Variants in NF1 observed in about 807,000 individuals in gnomAD.
The protein encoded by NF1 is neurofibromin 1, also known as neurofibromin.
Under a neutral mutation model 325.7 loss-of-function variants are expected in NF1, and 122 were observed. The observed-to-expected ratio is 0.37, with a 90% CI of 0.32 to 0.44. The LOEUF is 0.44. Among genes scored for constraint, NF1 ranks in the 20% least tolerant of loss-of-function variants. The pLI is 1.00. For synonymous variants in NF1, 1,091 were observed against 1,186.0 expected (o/e 0.92, Z 1.65); for missense variants, 2,140 against 3,415.4 (o/e 0.63, Z 9.31).
chr17:31,166,685 T>C (rs2065851798), intron 4 of NF1, among the ~76,000 whole-genome samples: 1 of 152,128 alleles, frequency 6.6e-6, no homozygotes, highest in African/African-American at 2.4e-5. Flanking sequence ...TTTTTCTTTT[T>C]TTCTTTTTGT....
At chr17:31,295,670 G>A in intron 36 of NF1, 1 of 1,614,074 alleles carries the variant, frequency 6.2e-7, no homozygotes, top group South Asian at 1.1e-5. Context: ...ATTGTAAAGG[G>A]TTATCTCTTG....
rs1196244708 is a variant in NF1, at chr17:31,375,793, T to C, written c.*1638T>C. On this transcript the variant is annotated 3_prime_UTR_variant, in exon 58 of 58. Transcript: ENST00000358273. ...ATTTATCCACACAGTAACAATGTAA[T>C]ATGTTAATGTAAATAAAATTGGTTT... 1 of 232,458 alleles carries C rather than the reference T, an allele frequency of 4.3e-6. No individual in the cohort carries two copies. Among genetic ancestry groups the C allele is most frequent in the African/African-American group, 2.2e-5 (1 of 45,308 alleles). 14.4% of individuals were successfully genotyped at this position (232,458 alleles called of 1,614,324 possible).
intron 36 of NF1, chr17:31,296,408 C>G: frequency 2.0e-6 from 3 of 1,506,398 alleles, no homozygotes; most frequent in Non-Finnish European, 2.8e-6. Context: ...GGTCAGTTAG[C>G]ATTAGGCAAA....
chr17:31,152,036 C>G (rs1916979826), intron 1 of NF1, among the ~76,000 whole-genome samples: 1 of 152,128 alleles, frequency 6.6e-6, no homozygotes, highest in Admixed American at 6.5e-5. Flanking sequence ...TCCCCCCTCC[C>G]CCTACCCCAC....
intron 1 of NF1, among the ~76,000 whole-genome samples, chr17:31,112,068 G>A (rs527621931): frequency 3.0e-4 from 45 of 151,992 alleles, no homozygotes; most frequent in African/African-American, 7.5e-4. Flanking sequence ...ATATATTACC[G>A]GCAAAAGTTT....
chr17:31,126,427 A>AT (rs1450462870), intron 1 of NF1, among the ~76,000 whole-genome samples: 2 of 151,798 alleles, frequency 1.3e-5, no homozygotes, highest in Non-Finnish European at 2.9e-5. Flanking sequence ...ATTCATAGCA[A>AT]TTTTTTATGG....
At chr17:31,270,300 A>G (rs993453828) in intron 36 of NF1, among the ~76,000 whole-genome samples, 6 of 152,182 alleles carry the variant, frequency 3.9e-5, no homozygotes, top group African/African-American at 9.7e-5. Context: ...TTTTGTAAGA[A>G]TAATTAAAAA....
intron 36 of NF1, among the ~76,000 whole-genome samples, chr17:31,267,422 A>G (rs1449585738): frequency 1.3e-5 from 2 of 151,864 alleles, no homozygotes; most frequent in Admixed American, 6.6e-5. Flanking sequence ...TGGCACTGTC[A>G]GTTTCAGATT....
rs2068464635 is a variant in NF1 at position 31,296,368 on chromosome 17, A to G, written c.4836-29452A>G. On this transcript the variant is annotated intron_variant, in intron 36 of 57. Transcript: ENST00000358273. ...AACAAACAGATACACCCTTCTTTTA[A>G]TATGCAAATACAGTTTAGGCATCTG... 3.7e-6 allele frequency: 6 copies of G among 1,612,776 alleles called. No individual in the cohort carries two copies. In the South Asian group the frequency reaches 6.6e-5, roughly 18 times the overall value.
intron 36 of NF1, among the ~76,000 whole-genome samples, chr17:31,280,133 G>A (rs2068088133): frequency 6.6e-6 from 1 of 151,870 alleles, no homozygotes; most frequent in Non-Finnish European, 1.5e-5. Flanking sequence ...GTCTAAGCTG[G>A]GGTTGGCAAA....
chr17:31,287,542 CTGTGTGTGTGTGTGTGTG>C (rs59906241), intron 36 of NF1, among the ~76,000 whole-genome samples: 33 of 145,590 alleles, frequency 2.3e-4, no homozygotes, highest in African/African-American at 7.8e-4. Flanking sequence ...TCATTCATAA[CTGTGTGTGTGTGTGTGTG>C]TGTGTGTGTG....
intron 27 of NF1, among the ~76,000 whole-genome samples, chr17:31,235,267 A>C (rs1044245883): frequency 1.3e-5 from 2 of 152,190 alleles, no homozygotes; most frequent in Non-Finnish European, 2.9e-5. Context: ...GTACAAATCA[A>C]ACTAAATTCT....
Position 31,366,985 on chromosome 17 carries a change from C to T in NF1, c.8377+6282C>T, listed in dbSNP as rs753693090. ...TTTTTAGCTTAATTCTTAATTTAAA[C>T]TAAAATTCTTAATTTTAATATAAGT... On this transcript the variant is annotated intron_variant, in intron 57 of 57. Transcript: ENST00000358273. Among the ~76,000 whole-genome samples, 3 of 151,924 alleles carry T rather than the reference C, an allele frequency of 2.0e-5. No individual in the cohort carries two copies. In the South Asian group the frequency reaches 6.2e-4, roughly 32 times the overall value.
intron 8 of NF1, among the ~76,000 whole-genome samples, chr17:31,189,682 CT>C (rs1269118718): frequency 6.7e-6 from 1 of 149,998 alleles, no homozygotes; most frequent in Non-Finnish European, 1.5e-5. Flanking sequence ...TTGAAGTATG[CT>C]TTTTAATTTT....
chr17:31,095,413 TG>T, intron 1 of NF1, 44 bp downstream of exon 1: 2 of 1,501,722 alleles, frequency 1.3e-6, no homozygotes. Flanking sequence ...GGAGTGGGGG[TG>T]GGGACAGAGT....
chr17:31,236,078 T>G (rs1243732031), intron 29 of NF1, 57 bp downstream of exon 29: 6 of 1,330,872 alleles, frequency 4.5e-6, no homozygotes, highest in Non-Finnish European at 5.4e-6. Context: ...TTTGTTTGTT[T>G]GTTTTACTAA....
chr17:31,132,576 C>G (rs1915470457), intron 1 of NF1, among the ~76,000 whole-genome samples: 1 of 152,030 alleles, frequency 6.6e-6, no homozygotes, highest in Non-Finnish European at 1.5e-5. Flanking sequence ...GCTTTTTAAA[C>G]TTTGTTTTCT....
At chr17:31,130,668 G>T (rs1309687491) in intron 1 of NF1, among the ~76,000 whole-genome samples, 2 of 152,198 alleles carry the variant, frequency 1.3e-5, no homozygotes, top group African/African-American at 2.4e-5. Context: ...GGTGGGCTCT[G>T]TACCTGCCAG....
At chr17:31,254,946 CA>C (rs2067557255) in intron 31 of NF1, among the ~76,000 whole-genome samples, 1 of 152,070 alleles carries the variant, frequency 6.6e-6, no homozygotes, top group Non-Finnish European at 1.5e-5. Context: ...TGTGCTTTAA[CA>C]AAACCTAATG....
Sources: allele counts gnomAD v4.1 joint callset (sites outside exome capture counted in the v4.1 genomes callset), GRCh38; gene constraint gnomAD v4.1.1; transcripts MANE v1.5; gene names NCBI Gene and HGNC (gene_info 2026-07-23, HGNC 2026-07-21).